The following IL1RL2 variants were observed in gnomAD, a reference collection of about 807,000 sequenced individuals.
IL1RL2 encodes the protein interleukin-1 receptor-like 2.
In IL1RL2, 68 loss-of-function variants were observed where a neutral mutation model predicts 66.8. The ratio of observed to expected loss-of-function variants is 1.02; its 90% CI spans 0.84 to 1.25. IL1RL2 has a LOEUF of 1.25. IL1RL2 is among the 50% of genes most tolerant of loss of function. The pLI is 0.00. For missense variants in IL1RL2, 729 were observed against 709.3 expected (o/e 1.03, Z -0.32); for synonymous variants, 305 against 264.6 (o/e 1.15, Z -1.48).
At chr2:102,200,969 A>G (rs977990990) in intron 4 of IL1RL2, among the ~76,000 whole-genome samples, 1 of 152,164 alleles carries the variant, frequency 6.6e-6, no homozygotes, top group African/African-American at 2.4e-5. Context: ...GTGAAGAATT[A>G]TTTTGGACTT....
chr2:102,223,525 A>T (rs542097846), intron 8 of IL1RL2, among the ~76,000 whole-genome samples: 1 of 152,200 alleles, frequency 6.6e-6, no homozygotes, highest in African/African-American at 2.4e-5. Context: ...ATTTATTTCT[A>T]TTTCAAAACC....
At chr2:102,242,073 C>T (rs1369464920), downstream of IL1RL2, among the ~76,000 whole-genome samples, 4 of 152,152 alleles carry the variant, frequency 2.6e-5, no homozygotes, top group Admixed American at 2.6e-4. Flanking sequence ...CAAAGAAACT[C>T]GCAACCCTCA....
At chr2:102,228,683 AG>A (rs1234079759) in intron 9 of IL1RL2, among the ~76,000 whole-genome samples, 2 of 152,224 alleles carry the variant, frequency 1.3e-5, no homozygotes, top group African/African-American at 4.8e-5. Context: ...GAGTGATCAA[AG>A]GGAAACCAAG....
chr2:102,227,794 G>T (rs959133267), intron 9 of IL1RL2, among the ~76,000 whole-genome samples: 10 of 152,286 alleles, frequency 6.6e-5, no homozygotes, highest in Admixed American at 1.3e-4. Context: ...GCCCCATGGT[G>T]TGTCTCTCTC....
rs1172924226 is a variant in IL1RL2, at chr2:102,239,199, A to G, written c.1686A>G (p.Glu562=). The G allele has an allele frequency of 1.9e-6, 3 of 1,613,996 alleles. No homozygotes were observed. Among genetic ancestry groups the G allele is most frequent in the Admixed American group, 1.7e-5 (1 of 60,022 alleles). Residue 562 remains glutamate (E), a synonymous_variant, in exon 12 of 12, where the codon GAA becomes GAG. Transcript: ENST00000264257. ...GATCTTTCCTGATTTCAGGCCCAGAACTAGGCTCAAGAAGAAAGAAGTGTA... is the reference window on the plus strand; with the variant it reads ...GATCTTTCCTGATTTCAGGCCCAGAGCTAGGCTCAAGAAGAAAGAAGTGTA... ...HTPCYRTAGP[E]LGSRRKKCTL...
intron 11 of IL1RL2, among the ~76,000 whole-genome samples, chr2:102,237,499 G>A (rs1008861523): frequency 3.9e-5 from 6 of 152,326 alleles, no homozygotes; most frequent in African/African-American, 9.6e-5. Flanking sequence ...AGAAGAGAAC[G>A]GCAGCGAGTG....
At chr2:102,210,604 G>T (rs1008665751) in intron 5 of IL1RL2, among the ~76,000 whole-genome samples, 3 of 152,208 alleles carry the variant, frequency 2.0e-5, no homozygotes, top group Admixed American at 6.5e-5. Flanking sequence ...AAAACCCACA[G>T]ATTTAGTGTT....
At chr2:102,240,361 CTTTTTTTTT>C (rs551743835), downstream of IL1RL2, among the ~76,000 whole-genome samples, 4 of 79,772 alleles carry the variant, frequency 5.0e-5, no homozygotes, top group Non-Finnish European at 7.0e-5. Context: ...TCTTCTCCTC[CTTTTTTTTT>C]TTTTTTTTTT....
At chr2:102,218,572 G>A (rs1026899890) in intron 6 of IL1RL2, among the ~76,000 whole-genome samples, 1 of 152,170 alleles carries the variant, frequency 6.6e-6, no homozygotes, top group Non-Finnish European at 1.5e-5. Context: ...CTTAACATGA[G>A]GATAATAGCC....
intron 9 of IL1RL2, among the ~76,000 whole-genome samples, chr2:102,231,959 C>T (rs941217937): frequency 5.3e-5 from 8 of 152,094 alleles, no homozygotes; most frequent in South Asian, 2.1e-4. Flanking sequence ...ATACAGGACA[C>T]GCTGAGGGTA....
Position 102,218,941 on chromosome 2 carries a change from G to T in IL1RL2, c.725-12G>T, listed in dbSNP as rs1334097740. 1.9e-6 allele frequency: 3 copies of T among 1,604,586 alleles called. No homozygotes were observed. The highest frequency in any genetic ancestry group is 2.6e-6 in the Non-Finnish European group (3 of 1,173,728). Reference sequence around the variant, plus strand: ...ATTTTCATTGAATATTGATGATATTGGTTTTTTTTAGGTACCACTCTGATT... The same window carrying T: ...ATTTTCATTGAATATTGATGATATTTGTTTTTTTTAGGTACCACTCTGATT... On this transcript the variant is annotated splice_polypyrimidine_tract_variant and intron_variant, in intron 6 of 11. Transcript: ENST00000264257.
Position 102,192,098 on chromosome 2 carries a change from T to C in IL1RL2, c.467T>C (p.Leu156Ser), listed in dbSNP as rs1332732372. 1 of 1,596,730 alleles carries C rather than the reference T, an allele frequency of 6.3e-7. No individual in the cohort carries two copies. Among genetic ancestry groups the C allele is most frequent in the Admixed American group, 1.8e-5 (1 of 54,936 alleles). The stretch of plus-strand genomic sequence containing the variant: ...CTGCACTTCCCGAAGAGTTGTGTTT[T>C]GGGTCCAATAAAGTGGTATAAGGTA... Reference protein sequence around the residue: ...CHLHFPKSCVLGPIKWYKDCN... With the variant: ...CHLHFPKSCVSGPIKWYKDCN... The change falls in exon 4 of 12, where the codon TTG becomes TCG. Residue 156 changes from leucine to serine, a missense_variant. Coordinates refer to ENST00000264257, the MANE Select transcript of IL1RL2 (RefSeq NM_003854.4).
Position 102,195,644 on chromosome 2 carries a change from TC to T in IL1RL2, c.489+3525del, listed in dbSNP as rs1438230306. ...TTCTTTCTTTCTCTCTCTCTCTCTC[TC>T]TCTTTCTTTCTTTCTTTCTTTCTTT... is the stretch of plus-strand genomic sequence containing the variant. On this transcript the variant is annotated intron_variant, in intron 4 of 11. Transcript: ENST00000264257. Among the ~76,000 whole-genome samples, 14 of 24,954 alleles carry T rather than the reference TC, an allele frequency of 5.6e-4. 1 individual carries two copies. Among genetic ancestry groups the T allele is most frequent in the African/African-American group, 1.4e-3 (14 of 10,250 alleles). The allele number at this position is 24,954 out of a possible 152,430, so 16.4% of individuals were successfully genotyped here.
chr2:102,210,455 G>T (rs1559544160), intron 5 of IL1RL2, among the ~76,000 whole-genome samples: 2 of 152,162 alleles, frequency 1.3e-5, no homozygotes, highest in Non-Finnish European at 2.9e-5. Context: ...CAGCAGACTG[G>T]CCGCTGTGCA....
intron 10 of IL1RL2, among the ~76,000 whole-genome samples, chr2:102,233,932 G>T (rs1338468857): frequency 6.6e-6 from 1 of 152,104 alleles, no homozygotes; most frequent in Non-Finnish European, 1.5e-5. Context: ...AAACCTCTAT[G>T]TGATGGACAG....
At chr2:102,238,803 C>T (rs1169883174) in intron 11 of IL1RL2, among the ~76,000 whole-genome samples, 1 of 152,088 alleles carries the variant, frequency 6.6e-6, no homozygotes, top group Non-Finnish European at 1.5e-5. Context: ...GAGATGGGAA[C>T]TCTGTGTGTG....
intron 4 of IL1RL2, among the ~76,000 whole-genome samples, chr2:102,195,026 G>A (rs569274886): frequency 2.0e-5 from 3 of 152,158 alleles, no homozygotes; most frequent in Non-Finnish European, 4.4e-5. Flanking sequence ...AGACAATGTA[G>A]AAATGAAGGA....
At chr2:102,235,786 GTC>G in intron 11 of IL1RL2, 1 of 985,388 alleles carries the variant, frequency 1.0e-6, no homozygotes, top group Non-Finnish European at 1.2e-6. Context: ...CTGTGTCTGC[GTC>G]TCTCTCACTC....
At chr2:102,193,400 G>T (rs10166535) in intron 4 of IL1RL2, among the ~76,000 whole-genome samples, 23,515 of 152,170 alleles carry the variant, frequency 0.15, 2,268 homozygotes, top group Admixed American at 0.29. Context: ...TTTGCCAGGA[G>T]TATTTTATTT....
Sources: allele counts gnomAD v4.1 joint callset (sites outside exome capture counted in the v4.1 genomes callset), GRCh38; gene constraint gnomAD v4.1.1; transcripts MANE v1.5; gene names NCBI Gene and HGNC (gene_info 2026-07-23, HGNC 2026-07-21).